The following VEGFC variants were observed in gnomAD, a reference collection of about 807,000 sequenced individuals.
The protein encoded by VEGFC is FLT4 ligand DHM.
Under a neutral mutation model 46.1 loss-of-function variants are expected in VEGFC, and 12 were observed. That is an observed-to-expected ratio of 0.26 (90% CI 0.17 to 0.42). VEGFC has a LOEUF of 0.42. VEGFC is among the 10% of genes least tolerant of loss of function. The pLI is 1.00. For missense variants in VEGFC, 488 were observed against 529.4 expected (o/e 0.92, Z 0.77); for synonymous variants, 232 against 195.5 (o/e 1.19, Z -1.56).
At chr4:176,743,176 T>C (rs1038135109) in intron 1 of VEGFC, among the ~76,000 whole-genome samples, 1 of 152,050 alleles carries the variant, frequency 6.6e-6, no homozygotes, top group Non-Finnish European at 1.5e-5. Context: ...GCAATTCTCC[T>C]AGCACATTCT....
chr4:176,724,491 T>A (rs973874759), intron 3 of VEGFC, among the ~76,000 whole-genome samples: 2 of 152,220 alleles, frequency 1.3e-5, no homozygotes, highest in African/African-American at 4.8e-5. Context: ...TAATAAATAC[T>A]ATTTTAAAAA....
At chr4:176,713,401 T>C (rs1734649342) in intron 3 of VEGFC, among the ~76,000 whole-genome samples, 1 of 152,212 alleles carries the variant, frequency 6.6e-6, no homozygotes, top group Non-Finnish European at 1.5e-5. Flanking sequence ...AAGACATCTA[T>C]GGAATCTATA....
At chr4:176,692,778 C>A (rs1457104411) in intron 4 of VEGFC, among the ~76,000 whole-genome samples, 9 of 147,546 alleles carry the variant, frequency 6.1e-5, no homozygotes, top group Admixed American at 1.3e-4. Context: ...AGCTGGAGAT[C>A]TGAGAACGGG....
chr4:176,787,964 A>AT (rs1353540804), intron 1 of VEGFC, among the ~76,000 whole-genome samples: 6 of 152,242 alleles, frequency 3.9e-5, no homozygotes, highest in African/African-American at 1.4e-4. Context: ...AGGTAGACCC[A>AT]TATAGTATTT....
intron 3 of VEGFC, among the ~76,000 whole-genome samples, chr4:176,712,592 T>C (rs954806431): frequency 6.6e-6 from 1 of 152,200 alleles, no homozygotes; most frequent in Non-Finnish European, 1.5e-5. Flanking sequence ...TTAACTATAA[T>C]TGATCCATGT....
intron 1 of VEGFC, among the ~76,000 whole-genome samples, chr4:176,762,219 T>C (rs1029240455): frequency 1.9e-4 from 29 of 152,184 alleles, no homozygotes; most frequent in African/African-American, 6.8e-4. Flanking sequence ...CCAAAACTCA[T>C]GTTGAATTCT....
rs1032468893 is a variant in VEGFC, at chr4:176,792,242, C to G, written c.70G>C (p.Glu24Gln). 7.1e-6 allele frequency: 11 copies of G among 1,553,492 alleles called. No homozygotes were observed. Among genetic ancestry groups the G allele is most frequent in the South Asian group, 1.2e-5 (1 of 85,360 alleles). The part of the protein sequence containing the change: ...LAAALLPGPR[E>Q]APAAAAAFES... ...AAGGCGGCGGCGGCGGCGGGCGCCT[C>G]GCGAGGACCCGGGAGCAGCGCAGCG... The change falls in exon 1 of 7, where the codon GAG becomes CAG. Residue 24 changes from glutamate (E) to glutamine (Q), a missense_variant. Glu to Gln is a conservative substitution (Grantham distance 29, BLOSUM62 2). Coordinates refer to ENST00000618562, the MANE Select transcript of VEGFC (RefSeq NM_005429.5). The surrounding 1 kb of genome is among the most constrained non-coding windows in gnomAD (Gnocchi z 6.3).
chr4:176,730,801 GA>G (rs1379152721), intron 1 of VEGFC, among the ~76,000 whole-genome samples: 2 of 152,010 alleles, frequency 1.3e-5, no homozygotes, highest in African/African-American at 4.8e-5. Flanking sequence ...TATTTAATCT[GA>G]AAAGTATTTT....
At chr4:176,689,895 T>TGCTTTTCTAC (rs1244490308) in intron 4 of VEGFC, among the ~76,000 whole-genome samples, 3 of 152,262 alleles carry the variant, frequency 2.0e-5, no homozygotes, top group Non-Finnish European at 4.4e-5. Flanking sequence ...CACTTTTCTA[T>TGCTTTTCTAC]GCTTTTCTAC....
In VEGFC at chr4:176,792,362, GGGGCGCGGGCGCCCCTGCGA is replaced by G; in HGVS notation, c.-71_-52del. The stretch of plus-strand genomic sequence containing the variant: ...CGGTCCGCTGGCGGGGGCAGGGGTG[GGGGCGCGGGCGCCCCTGCGA>G]GGCCGCGGGCCCCTCCTGGTCCCTC... On this transcript the variant is annotated 5_prime_UTR_variant, in exon 1 of 7. Transcript: ENST00000618562. The surrounding 1 kb of genome is among the most constrained non-coding windows in gnomAD (Gnocchi z 6.3). The G allele has an allele frequency of 4.4e-6, 6 of 1,369,188 alleles. No individual in the cohort carries two copies. In the South Asian group the frequency reaches 8.2e-5, roughly 19 times the overall value. The allele number at this position is 1,369,188 out of a possible 1,614,324, so 84.8% of individuals were successfully genotyped here. A position where few individuals can be genotyped will look rare whatever the true frequency, so the allele number is the denominator to read the frequency against.
chr4:176,684,066 TAC>T (rs1560930860), intron 6 of VEGFC, 26 bp from the exon 7 acceptor site: 3 of 1,548,480 alleles, frequency 1.9e-6, no homozygotes, highest in Non-Finnish European at 2.7e-6. Flanking sequence ...AGAACACACT[TAC>T]GTTAAAGATC....
At chr4:176,761,849 G>A (rs1040396066) in intron 1 of VEGFC, among the ~76,000 whole-genome samples, 3 of 152,182 alleles carry the variant, frequency 2.0e-5, no homozygotes, top group Non-Finnish European at 4.4e-5. Flanking sequence ...AATACAAAAT[G>A]AAACAGCAGA....
intron 1 of VEGFC, among the ~76,000 whole-genome samples, chr4:176,763,843 T>TA (rs995968983): frequency 6.6e-6 from 1 of 152,084 alleles, no homozygotes; most frequent in African/African-American, 2.4e-5. Flanking sequence ...AAGAGTCCTC[T>TA]AAAAAAAGGT....
intron 1 of VEGFC, among the ~76,000 whole-genome samples, chr4:176,771,015 T>C (rs1385330248): frequency 8.1e-6 from 1 of 123,956 alleles, no homozygotes; most frequent in Admixed American, 8.0e-5. Context: ...CACAAAGGTA[T>C]TGCTCTCAAG....
At chr4:176,766,504 T>C (rs1333280737) in intron 1 of VEGFC, among the ~76,000 whole-genome samples, 6 of 151,156 alleles carry the variant, frequency 4.0e-5, no homozygotes, top group Non-Finnish European at 8.8e-5. Flanking sequence ...GGAGGACTGC[T>C]GGACCCTGAG....
At chr4:176,753,556 G>A (rs1735374694) in intron 1 of VEGFC, among the ~76,000 whole-genome samples, 1 of 152,060 alleles carries the variant, frequency 6.6e-6, no homozygotes, top group African/African-American at 2.4e-5. Flanking sequence ...AAAGTTTTAG[G>A]AAATTGAGAG....
chr4:176,760,432 G>C (rs1735509509), intron 1 of VEGFC, among the ~76,000 whole-genome samples: 1 of 152,072 alleles, frequency 6.6e-6, no homozygotes, highest in Non-Finnish European at 1.5e-5. Flanking sequence ...TTTAGCGGTT[G>C]GTAGATTTAA....
intron 1 of VEGFC, among the ~76,000 whole-genome samples, chr4:176,774,934 G>C (rs1735790648): frequency 6.6e-6 from 1 of 152,036 alleles, no homozygotes; most frequent in African/African-American, 2.4e-5. Flanking sequence ...GAGATCAATT[G>C]GTCCAGCCTC....
intron 6 of VEGFC, 59 bp from the exon 7 acceptor site, chr4:176,684,099 C>A: frequency 8.2e-7 from 1 of 1,217,386 alleles, no homozygotes; most frequent in South Asian, 1.2e-5. Context: ...ATTCATCATG[C>A]TACCAAGGTA....
Sources: gnomAD v4.1 joint callset for allele counts (sites outside exome capture counted in the v4.1 genomes callset) on GRCh38, gnomAD v4.1.1 for gene constraint, Gnocchi (gnomAD v3.1) non-coding constraint, MANE v1.5 for transcripts, NCBI Gene and HGNC (gene_info 2026-07-23, HGNC 2026-07-21) for gene names.